Variants in LYRM4 observed in about 807,000 individuals in gnomAD.
The protein encoded by LYRM4 is LYR motif containing 4, also known as LYR motif-containing protein 4.
LYRM4 carries 9 observed loss-of-function variants against 11.7 expected under a neutral mutation model. The ratio of observed to expected loss-of-function variants is 0.77; its 90% CI spans 0.46 to 1.34. The LOEUF (loss-of-function observed/expected upper bound fraction) is 1.34. Ranked by LOEUF, LYRM4 falls within the 40% of genes most tolerant of loss-of-function variation. LYRM4 has a pLI of 0.00. For missense variants in LYRM4, 133 were observed against 112.5 expected (o/e 1.18, Z -0.82); for synonymous variants, 42 against 40.4 (o/e 1.04, Z -0.15).
intron 1 of LYRM4, among the ~76,000 whole-genome samples, chr6:5,254,538 C>A (rs549759939): frequency 6.6e-6 from 1 of 152,296 alleles, no homozygotes; most frequent in South Asian, 2.1e-4. Flanking sequence ...CAACTTGCTA[C>A]CTAGGTACTA....
the LYRM4 span, chr6:5,066,938 G>A: frequency 6.3e-6 from 7 of 1,109,766 alleles, no homozygotes; most frequent in East Asian, 2.7e-5. Flanking sequence ...CCCCCAAGGC[G>A]GAGAGCCTCA....
chr6:5,196,343 T>A lies in LYRM4; in HGVS notation c.207+20275A>T. Among the ~76,000 whole-genome samples the A allele has an allele frequency of 1.3e-5, 2 of 152,324 alleles. 1 individual carries two copies. The highest frequency in any genetic ancestry group is 3.9e-4 in the East Asian group (2 of 5,188). On this transcript the variant is annotated intron_variant, in intron 2 of 2. Transcript: ENST00000330636. ...TGCCTCTACCTGCTTTAACAGATGA[T>A]GGAGACTCATGCCTTCTAATATCCA...
intron 2 of LYRM4, among the ~76,000 whole-genome samples, chr6:5,170,238 A>C (rs2127665802): frequency 6.6e-6 from 1 of 152,358 alleles, no homozygotes; most frequent in East Asian, 1.9e-4. Flanking sequence ...ATTTTCCCAG[A>C]AAACCTACTG....
intron 1 of LYRM4, among the ~76,000 whole-genome samples, chr6:5,240,374 T>C (rs1027764062): frequency 6.6e-6 from 1 of 152,196 alleles, no homozygotes; most frequent in Non-Finnish European, 1.5e-5. Flanking sequence ...ATTTTCAATG[T>C]ATAAAACTGT....
the LYRM4 span, among the ~76,000 whole-genome samples, chr6:5,090,357 A>G: frequency 6.6e-6 from 1 of 152,100 alleles, no homozygotes; most frequent in Non-Finnish European, 1.5e-5. The surrounding 1 kb of genome is among the most constrained non-coding windows in gnomAD (Gnocchi z 4.8). Context: ...ATGAAACAAT[A>G]TTCTCCCCGG....
downstream of LYRM4, chr6:5,107,058 A>C (rs531887023): frequency 6.6e-6 from 1 of 152,334 alleles, no homozygotes; most frequent in East Asian, 1.9e-4. Context: ...CCAGATATAC[A>C]CCTGAAAGGT....
intron 2 of LYRM4, among the ~76,000 whole-genome samples, chr6:5,199,399 G>A (rs971997550): frequency 6.6e-6 from 1 of 152,180 alleles, no homozygotes; most frequent in African/African-American, 2.4e-5. Context: ...ACAGCTATAG[G>A]TATGGGGTTT....
intron 2 of LYRM4, among the ~76,000 whole-genome samples, chr6:5,137,037 TG>T (rs1271934747): frequency 1.3e-5 from 2 of 152,214 alleles, no homozygotes; most frequent in African/African-American, 2.4e-5. Flanking sequence ...ACCCACTTTC[TG>T]TCTCGATGCA....
At chr6:5,171,517 T>C (rs1324700011) in intron 2 of LYRM4, among the ~76,000 whole-genome samples, 3 of 151,960 alleles carry the variant, frequency 2.0e-5, no homozygotes, top group African/African-American at 7.3e-5. Context: ...TTAGGGGAAG[T>C]GGTGGGGGGA....
At chr6:5,070,560 T>C in the LYRM4 span, among the ~76,000 whole-genome samples, 1 of 152,210 alleles carries the variant, frequency 6.6e-6, no homozygotes, top group Non-Finnish European at 1.5e-5. Context: ...AATATATTTA[T>C]CTTCAGAAAT....
chr6:5,144,119 A>AT (rs1437879527), intron 2 of LYRM4: 21 of 1,535,876 alleles, frequency 1.4e-5, no homozygotes, highest in Non-Finnish European at 1.8e-5. Context: ...TGATGTGACC[A>AT]CATAGTCAGA....
chr6:5,238,185 C>A (rs558361234), intron 1 of LYRM4, among the ~76,000 whole-genome samples: 1 of 152,162 alleles, frequency 6.6e-6, no homozygotes, highest in South Asian at 2.1e-4. Flanking sequence ...AAAAATATAT[C>A]GAAATTCAGA....
At chr6:5,043,695 C>T in the LYRM4 span, among the ~76,000 whole-genome samples, 116 of 152,274 alleles carry the variant, frequency 7.6e-4, no homozygotes, top group African/African-American at 2.6e-3. Context: ...CCCCATTCCT[C>T]GGGAGTCCTC....
chr6:5,076,416 C>T, the LYRM4 span, among the ~76,000 whole-genome samples: 1 of 152,182 alleles, frequency 6.6e-6, no homozygotes, highest in Non-Finnish European at 1.5e-5. Flanking sequence ...GTTACCAATT[C>T]ATTGATAGCC....
At chr6:5,131,096 G>A (rs929542611) in intron 2 of LYRM4, among the ~76,000 whole-genome samples, 1 of 152,156 alleles carries the variant, frequency 6.6e-6, no homozygotes, top group Non-Finnish European at 1.5e-5. Flanking sequence ...GATATACCGG[G>A]TATATATGCG....
chr6:5,165,465 G>A (rs1449249539), intron 2 of LYRM4, among the ~76,000 whole-genome samples: 3 of 152,054 alleles, frequency 2.0e-5, no homozygotes, highest in African/African-American at 4.8e-5. Flanking sequence ...TGAATTCCAG[G>A]AGATTCATTT....
At chr6:5,204,423 A>G (rs1359187737) in intron 2 of LYRM4, among the ~76,000 whole-genome samples, 1 of 152,164 alleles carries the variant, frequency 6.6e-6, no homozygotes, top group Non-Finnish European at 1.5e-5. Flanking sequence ...GTGTGAAAGA[A>G]AAGCAGAATC....
At chr6:5,112,160 G>T (rs74529482) in intron 2 of LYRM4, among the ~76,000 whole-genome samples, 3 of 152,166 alleles carry the variant, frequency 2.0e-5, no homozygotes, top group Non-Finnish European at 4.4e-5. Flanking sequence ...CGGCACGCTC[G>T]CGAAGCCCGT....
intron 1 of LYRM4, among the ~76,000 whole-genome samples, chr6:5,242,934 C>T (rs956212355): frequency 4.6e-5 from 7 of 151,312 alleles, no homozygotes; most frequent in Admixed American, 2.6e-4. Context: ...CCACCGCGCC[C>T]GGCTAATTTT....
Sources: gnomAD v4.1 joint callset for allele counts (sites outside exome capture counted in the v4.1 genomes callset) on GRCh38, gnomAD v4.1.1 for gene constraint, Gnocchi (gnomAD v3.1) non-coding constraint, MANE v1.5 for transcripts, NCBI Gene and HGNC (gene_info 2026-07-23, HGNC 2026-07-21) for gene names.